Variants in FARS2 observed in about 807,000 individuals in gnomAD.
FARS2 encodes phenylalanine--tRNA ligase, mitochondrial.
A neutral mutation model predicts 46.4 loss-of-function variants in FARS2; 40 were observed. That is an observed-to-expected ratio of 0.86 (90% CI 0.67 to 1.12). FARS2 has a LOEUF of 1.12. FARS2 is among the 50% of genes most tolerant of loss of function. The probability of loss-of-function intolerance (pLI) is 0.00; values close to 1 mark genes in which losing one functional copy is unlikely to be tolerated. For synonymous variants in FARS2, 234 were observed against 214.9 expected (o/e 1.09, Z -0.78); for missense variants, 513 against 567.9 (o/e 0.90, Z 0.98).
At chr6:5,547,431 T>G (rs1263171403) in intron 5 of FARS2, among the ~76,000 whole-genome samples, 1 of 152,060 alleles carries the variant, frequency 6.6e-6, no homozygotes, top group Non-Finnish European at 1.5e-5. Flanking sequence ...TAGATAAAAT[T>G]TATCCCCAGA....
intron 4 of FARS2, among the ~76,000 whole-genome samples, chr6:5,524,380 A>G (rs1267888521): frequency 6.6e-6 from 1 of 152,238 alleles, no homozygotes; most frequent in Non-Finnish European, 1.5e-5. Context: ...AGGAAGCTAC[A>G]GGGAATCCTA....
chr6:5,558,093 A>T (rs915498586), intron 5 of FARS2, among the ~76,000 whole-genome samples: 1 of 152,072 alleles, frequency 6.6e-6, no homozygotes, highest in South Asian at 2.1e-4. Context: ...TAGGGACCAA[A>T]TGAAGTCAAA....
intron 1 of FARS2, among the ~76,000 whole-genome samples, chr6:5,355,492 G>C (rs1757859806): frequency 6.6e-6 from 1 of 151,546 alleles, no homozygotes; most frequent in Non-Finnish European, 1.5e-5. Flanking sequence ...GAGTAGCTAG[G>C]ACTACAGGTG....
Position 5,369,265 on chromosome 6 carries a change from C to A in FARS2, c.612+83C>A. 3.7e-6 allele frequency: 5 copies of A among 1,360,758 alleles called. No individual in the cohort carries two copies. The South Asian group carries it at 4.1e-5, about 11-fold the overall frequency. 84.3% of individuals were successfully genotyped at this position (1,360,758 alleles called of 1,614,324 possible). A position where few individuals can be genotyped will look rare whatever the true frequency, so the allele number is the denominator to read the frequency against. On this transcript the variant is annotated intron_variant, in intron 2 of 6. Coordinates refer to ENST00000274680, the MANE Select transcript of FARS2 (RefSeq NM_006567.5). ...TCACTAACATTTAGCTCGATGAGAC[C>A]AGCATAGTCATCCTTGCTTGCCTTA...
chr6:5,466,909 G>C, intron 4 of FARS2: 2 of 985,352 alleles, frequency 2.0e-6, no homozygotes, highest in Non-Finnish European at 2.4e-6. Flanking sequence ...TGGGCACCTC[G>C]GCCTTATGCT....
In FARS2 at chr6:5,420,478, G is replaced by A. The variant is rs574416114; in HGVS notation, c.773-10563G>A. Among the ~76,000 whole-genome samples the A allele has an allele frequency of 3.9e-5, 6 of 152,242 alleles. No homozygotes were observed. The South Asian group carries it at 1.2e-3, about 32-fold the overall frequency. ...AGTTAGTTACTTCCTAGATACAATG[G>A]GGGTACTGGCATTGGGTAAATACAG... On this transcript the variant is annotated intron_variant, in intron 3 of 6. Transcript: ENST00000274680.
intron 6 of FARS2, among the ~76,000 whole-genome samples, chr6:5,636,304 G>A (rs902845868): frequency 5.9e-5 from 9 of 152,192 alleles, no homozygotes; most frequent in African/African-American, 1.9e-4. Flanking sequence ...CTTCTGCAGC[G>A]AAGGCCTGAC....
At position 5,432,326 on chromosome 6, in the gene FARS2, AAATATATATATATATATATATATAT is replaced by A. The variant is rs1390270529; in HGVS notation, c.904+1155_904+1179del. ...CAACACTCAGTCTTAAAAAAAAAAAAAATATATATATATATATATATATATTATATATATATAATATATTATATAT... is the reference window on the plus strand; with the variant it reads ...CAACACTCAGTCTTAAAAAAAAAAAATATATATATATAATATATTATATAT... On this transcript the variant is annotated intron_variant, in intron 4 of 6. Transcript: ENST00000274680. Among the ~76,000 whole-genome samples, 348 of 38,090 alleles carry A rather than the reference AAATATATATATATATATATATATAT, an allele frequency of 9.1e-3. 2 individuals are homozygous for A. Among genetic ancestry groups the A allele is most frequent in the African/African-American group, 0.021 (331 of 15,400 alleles). 25.0% of individuals were successfully genotyped at this position (38,090 alleles called of 152,430 possible). A position where few individuals can be genotyped will look rare whatever the true frequency, so the allele number is the denominator to read the frequency against.
intron 6 of FARS2, among the ~76,000 whole-genome samples, chr6:5,629,597 G>A (rs1182324391): frequency 1.3e-5 from 2 of 152,202 alleles, no homozygotes; most frequent in Admixed American, 1.3e-4. Flanking sequence ...TTATAAAAAT[G>A]TGGGCTTTCC....
In FARS2 at chr6:5,727,111, G is replaced by A. The variant is rs923495172; in HGVS notation, c.1218-44180G>A. ...CAGTACCTACCTTCCTCACCGGGCTGTTACTGGTAGGAAAAGCGTGACTGC... is the reference window on the plus strand; with the variant it reads ...CAGTACCTACCTTCCTCACCGGGCTATTACTGGTAGGAAAAGCGTGACTGC... On this transcript the variant is annotated intron_variant, in intron 6 of 6. Coordinates refer to ENST00000274680, the MANE Select transcript of FARS2 (RefSeq NM_006567.5). The surrounding 1 kb of genome is among the most constrained non-coding windows in gnomAD (Gnocchi z 4.1). 1.3e-5 allele frequency among the ~76,000 whole-genome samples: 2 copies of A among 152,224 alleles called. No individual in the cohort carries two copies. Among genetic ancestry groups the A allele is most frequent in the Non-Finnish European group, 2.9e-5 (2 of 68,044 alleles).
chr6:5,549,298 A>T (rs1341871443), intron 5 of FARS2, among the ~76,000 whole-genome samples: 2 of 151,980 alleles, frequency 1.3e-5, no homozygotes, highest in Non-Finnish European at 1.5e-5. Context: ...CGTCATTTAC[A>T]TTAGGTATTT....
At chr6:5,395,917 C>T (rs1343031038) in intron 2 of FARS2, among the ~76,000 whole-genome samples, 2 of 152,136 alleles carry the variant, frequency 1.3e-5, no homozygotes, top group Non-Finnish European at 2.9e-5. Flanking sequence ...ATCTGACCAC[C>T]TAGTGGTGAT....
At chr6:5,313,516 G>A (rs185087403) in intron 1 of FARS2, among the ~76,000 whole-genome samples, 139 of 152,220 alleles carry the variant, frequency 9.1e-4, no homozygotes, top group African/African-American at 3.2e-3. Flanking sequence ...ATCTTTTCCT[G>A]ATTGGTAACT....
At chr6:5,751,568 A>G (rs981679548) in intron 6 of FARS2, among the ~76,000 whole-genome samples, 1 of 152,136 alleles carries the variant, frequency 6.6e-6, no homozygotes, top group African/African-American at 2.4e-5. Context: ...CTCCCTCTCC[A>G]TGCCCAACTC....
At chr6:5,502,099 G>T (rs980044472) in intron 4 of FARS2, among the ~76,000 whole-genome samples, 1 of 152,220 alleles carries the variant, frequency 6.6e-6, no homozygotes, top group African/African-American at 2.4e-5. Flanking sequence ...TCCCAGTCCA[G>T]CATGGTGTGG....
intron 6 of FARS2, among the ~76,000 whole-genome samples, chr6:5,717,626 G>T (rs1431921069): frequency 6.6e-6 from 1 of 152,034 alleles, no homozygotes; most frequent in Non-Finnish European, 1.5e-5. Context: ...TTCATGAGTG[G>T]TGTATCTACT....
At position 5,573,600 on chromosome 6, in the gene FARS2, A is replaced by G. The variant is rs531876769; in HGVS notation, c.1065+28260A>G. Among the ~76,000 whole-genome samples the G allele has an allele frequency of 2.0e-4, 30 of 152,338 alleles. No individual in the cohort carries two copies. The South Asian group carries it at 5.8e-3, about 29-fold the overall frequency. On this transcript the variant is annotated intron_variant, in intron 5 of 6. Coordinates refer to ENST00000274680, the MANE Select transcript of FARS2 (RefSeq NM_006567.5). ...GTGCTCCATTGCTTCTTTAGGCCGCATTCAGACATTCTATCCATCCTTCAT... is the reference window on the plus strand; with the variant it reads ...GTGCTCCATTGCTTCTTTAGGCCGCGTTCAGACATTCTATCCATCCTTCAT...
chr6:5,251,076 T>C, the FARS2 span, among the ~76,000 whole-genome samples: 1 of 152,234 alleles, frequency 6.6e-6, no homozygotes, highest in Admixed American at 6.5e-5. Context: ...CGTCCTTATA[T>C]GTACATTGCA....
intron 4 of FARS2, among the ~76,000 whole-genome samples, chr6:5,513,265 T>C (rs1203038928): frequency 6.6e-6 from 1 of 152,170 alleles, no homozygotes; most frequent in East Asian, 1.9e-4. Context: ...GGTTATTACC[T>C]GAGACTGGAA....
Sources: allele counts gnomAD v4.1 joint callset (sites outside exome capture counted in the v4.1 genomes callset), GRCh38; gene constraint gnomAD v4.1.1; non-coding constraint Gnocchi (gnomAD v3.1); transcripts MANE v1.5; gene names NCBI Gene and HGNC (gene_info 2026-07-23, HGNC 2026-07-21).